Variants in DSCAM observed in about 807,000 individuals in gnomAD.
The protein encoded by DSCAM is cell adhesion molecule DSCAM.
Under a neutral mutation model 217.7 loss-of-function variants are expected in DSCAM, and 47 were observed. The ratio of observed to expected loss-of-function variants is 0.22; its 90% CI spans 0.17 to 0.28. The LOEUF (loss-of-function observed/expected upper bound fraction) is 0.28. DSCAM is among the 10% of genes least tolerant of loss of function. DSCAM has a pLI of 1.00. For synonymous variants in DSCAM, 1,056 were observed against 1,015.3 expected (o/e 1.04, Z -0.76); for missense variants, 2,080 against 2,618.3 (o/e 0.79, Z 4.49).
intron 21 of DSCAM, among the ~76,000 whole-genome samples, chr21:40,091,330 A>G: frequency 6.6e-6 from 1 of 152,242 alleles, no homozygotes; most frequent in Non-Finnish European, 1.5e-5. Context: ...AAAACCCAGC[A>G]TGATCAGGTC....
intron 3 of DSCAM, among the ~76,000 whole-genome samples, chr21:40,671,692 C>CAAAAA (rs71330402): frequency 0.014 from 1,485 of 108,914 alleles, 62 homozygotes; most frequent in African/African-American, 0.051. Context: ...ATTCCTTAAA[C>CAAAAA]AAAAAAAAAA....
chr21:40,257,469 A>AACACACAC lies in DSCAM; in HGVS notation c.2356+18620_2356+18627dup, dbSNP rs141911963. On this transcript the variant is annotated intron_variant, in intron 11 of 32. Transcript: ENST00000400454. Reference sequence around the variant, plus strand: ...TTCAAAGGGCTGGCTGTATTTGCTGAACACACACACACACACACACACACA... The same window carrying AACACACAC: ...TTCAAAGGGCTGGCTGTATTTGCTGAACACACACACACACACACACACACACACACACA... 7.0e-3 allele frequency among the ~76,000 whole-genome samples: 1,017 copies of AACACACAC among 144,766 alleles called. 10 individuals are homozygous for AACACACAC. The highest frequency in any genetic ancestry group is 0.019 in the South Asian group (84 of 4,312). 95.0% of individuals were successfully genotyped at this position (144,766 alleles called of 152,430 possible). A position where few individuals can be genotyped will look rare whatever the true frequency, so the allele number is the denominator to read the frequency against.
chr21:40,582,081 T>C (rs951417979), intron 3 of DSCAM, among the ~76,000 whole-genome samples: 5 of 152,180 alleles, frequency 3.3e-5, no homozygotes, highest in Non-Finnish European at 5.9e-5. Flanking sequence ...AGGATTATGG[T>C]CCTAAAGCCC....
intron 3 of DSCAM, among the ~76,000 whole-genome samples, chr21:40,630,411 G>A (rs926976045): frequency 1.3e-5 from 2 of 152,120 alleles, no homozygotes; most frequent in African/African-American, 2.4e-5. Flanking sequence ...AGATTCTCGT[G>A]CCTCAGCCTT....
intron 3 of DSCAM, among the ~76,000 whole-genome samples, chr21:40,549,477 G>T (rs1321106563): frequency 2.6e-5 from 4 of 152,126 alleles, no homozygotes; most frequent in Non-Finnish European, 5.9e-5. Context: ...GTAAGCAGTG[G>T]TCCTTACACT....
intron 3 of DSCAM, among the ~76,000 whole-genome samples, chr21:40,661,373 G>T (rs1315778868): frequency 2.0e-5 from 3 of 152,102 alleles, no homozygotes; most frequent in Non-Finnish European, 4.4e-5. Flanking sequence ...TAAGTACCTG[G>T]TTTTTGTTTT....
At chr21:40,415,678 A>G (rs1028192523) in intron 3 of DSCAM, among the ~76,000 whole-genome samples, 1 of 152,152 alleles carries the variant, frequency 6.6e-6, no homozygotes, top group Non-Finnish European at 1.5e-5. Context: ...CTATCCCTCT[A>G]AGGGAGATCT....
At chr21:40,763,408 A>G (rs2091356294) in intron 1 of DSCAM, among the ~76,000 whole-genome samples, 1 of 152,222 alleles carries the variant, frequency 6.6e-6, no homozygotes, top group East Asian at 1.9e-4. Context: ...GACCTCTTCA[A>G]GGAGAACTAC....
chr21:40,806,108 C>G (rs567469165), intron 1 of DSCAM, among the ~76,000 whole-genome samples: 4 of 152,316 alleles, frequency 2.6e-5, no homozygotes, highest in Admixed American at 2.6e-4. Context: ...GGGCTCTTCT[C>G]AGATCCTTCA....
intron 30 of DSCAM, among the ~76,000 whole-genome samples, chr21:40,046,397 A>T (rs1396634110): frequency 6.6e-6 from 1 of 150,510 alleles, no homozygotes; most frequent in Non-Finnish European, 1.5e-5. Context: ...CCTTACTTGC[A>T]CAATTCCACG....
At chr21:40,469,901 T>A (rs1035259727) in intron 3 of DSCAM, among the ~76,000 whole-genome samples, 1 of 152,198 alleles carries the variant, frequency 6.6e-6, no homozygotes, top group African/African-American at 2.4e-5. Context: ...ATGTAGTCCA[T>A]GGAAAAGTGC....
At chr21:40,153,804 C>G (rs968191719) in intron 16 of DSCAM, among the ~76,000 whole-genome samples, 11 of 152,148 alleles carry the variant, frequency 7.2e-5, no homozygotes, top group Non-Finnish European at 1.3e-4. Flanking sequence ...GTTGTTATCA[C>G]TGGGAGTCAC....
At chr21:40,730,251 T>A (rs1285401310) in intron 1 of DSCAM, among the ~76,000 whole-genome samples, 1 of 152,162 alleles carries the variant, frequency 6.6e-6, no homozygotes, top group Non-Finnish European at 1.5e-5. Flanking sequence ...TTTGGAGAAA[T>A]GTCCTGGAGG....
At chr21:40,375,493 G>A (rs948446679) in intron 3 of DSCAM, among the ~76,000 whole-genome samples, 9 of 152,136 alleles carry the variant, frequency 5.9e-5, no homozygotes, top group South Asian at 2.1e-4. Flanking sequence ...ATCTCTCCCT[G>A]GATGGGTCCT....
intron 3 of DSCAM, among the ~76,000 whole-genome samples, chr21:40,562,485 T>C (rs941943656): frequency 1.3e-5 from 2 of 152,120 alleles, no homozygotes; most frequent in Non-Finnish European, 2.9e-5. Context: ...ATAATACACC[T>C]CCCTAGACAC....
chr21:40,386,176 G>A (rs140732368), intron 3 of DSCAM, among the ~76,000 whole-genome samples: 122 of 152,158 alleles, frequency 8.0e-4, no homozygotes, highest in African/African-American at 2.7e-3. Flanking sequence ...CCGCCTCACC[G>A]CTAAATATAA....
In DSCAM at chr21:40,842,935, G is replaced by A. The variant is rs757754253; in HGVS notation, c.43+3684C>T. Reference sequence around the variant, plus strand: ...TACAGAGGGCATCTTGGAGGGGCATGCAGCTTAAGTTAAAAGGCCTCGGAA... The same window carrying A: ...TACAGAGGGCATCTTGGAGGGGCATACAGCTTAAGTTAAAAGGCCTCGGAA... On this transcript the variant is annotated intron_variant, in intron 1 of 32. Coordinates refer to ENST00000400454, the MANE Select transcript of DSCAM (RefSeq NM_001389.5). Among the ~76,000 whole-genome samples, 63 of 152,170 alleles carry A rather than the reference G, an allele frequency of 4.1e-4. 1 individual carries two copies. The highest frequency in any genetic ancestry group is 6.5e-4 in the Admixed American group (10 of 15,288).
At chr21:40,711,542 T>C (rs2090780481) in intron 1 of DSCAM, among the ~76,000 whole-genome samples, 1 of 152,176 alleles carries the variant, frequency 6.6e-6, no homozygotes, top group South Asian at 2.1e-4. Context: ...AGCATGTTCT[T>C]CCCTGCTGCC....
intron 32 of DSCAM, among the ~76,000 whole-genome samples, chr21:40,028,148 G>C (rs1413456550): frequency 1.1e-5 from 1 of 89,440 alleles, no homozygotes; most frequent in African/African-American, 4.6e-5. Context: ...TGCCCCTGCT[G>C]GGGGGTGCCT....
Sources: allele counts gnomAD v4.1 joint callset (sites outside exome capture counted in the v4.1 genomes callset), GRCh38; gene constraint gnomAD v4.1.1; transcripts MANE v1.5; gene names NCBI Gene and HGNC (gene_info 2026-07-23, HGNC 2026-07-21).